Variants in ZMIZ1 observed in about 807,000 individuals in gnomAD.
ZMIZ1 encodes the protein zinc finger MIZ-type containing 1.
ZMIZ1 carries 17 observed loss-of-function variants against 113.9 expected under a neutral mutation model. The ratio of observed to expected loss-of-function variants is 0.15; its 90% confidence interval spans 0.10 to 0.22. The LOEUF is 0.22. Ranked by LOEUF, ZMIZ1 falls within the 10% of genes least tolerant of loss-of-function variation. The pLI, the probability that ZMIZ1 is intolerant of heterozygous loss-of-function variation, is 1.00. For missense variants in ZMIZ1, 1,059 were observed against 1,477.8 expected (o/e 0.72, Z 4.65); for synonymous variants, 607 against 603.1 (o/e 1.01, Z -0.09).
In ZMIZ1 at chr10:79,201,619, G is replaced by A. The variant is rs1183891949; in HGVS notation, c.-14G>A. On this transcript the variant is annotated 5_prime_UTR_variant, in exon 5 of 25. In the 5' UTR this introduces an upstream ATG that the reference lacks. Coordinates refer to ENST00000334512, the MANE Select transcript of ZMIZ1 (RefSeq NM_020338.4). ...GTTCATGGCTCTCGGGTAGAACCTA[G>A]TGAAACGGCCAGAATGAATTCTATG... 9 of 1,613,344 alleles carry A rather than the reference G, an allele frequency of 5.6e-6. No homozygotes were observed. Among genetic ancestry groups the A allele is most frequent in the Non-Finnish European group, 7.6e-6 (9 of 1,179,776 alleles).
chr10:79,109,224 G>T (rs746495880), intron 1 of ZMIZ1, among the ~76,000 whole-genome samples: 1 of 152,194 alleles, frequency 6.6e-6, no homozygotes, highest in Non-Finnish European at 1.5e-5. Context: ...GATGTGCATT[G>T]GTGAGGGGTG....
chr10:79,257,488 C>T (rs974123000), intron 7 of ZMIZ1, among the ~76,000 whole-genome samples: 4 of 152,238 alleles, frequency 2.6e-5, no homozygotes, highest in South Asian at 2.1e-4. Flanking sequence ...AGGGGAACAT[C>T]GGTGTTGCCC....
chr10:79,263,899 C>T (rs938459462), intron 7 of ZMIZ1, among the ~76,000 whole-genome samples: 47 of 152,030 alleles, frequency 3.1e-4, no homozygotes, highest in African/African-American at 1.1e-3. Flanking sequence ...TGGGAGAGGA[C>T]ACAGCTAAAC....
chr10:79,285,148 G>T (rs1852983839), intron 8 of ZMIZ1, among the ~76,000 whole-genome samples: 1 of 152,206 alleles, frequency 6.6e-6, no homozygotes, highest in Non-Finnish European at 1.5e-5. Flanking sequence ...GCCTGATACG[G>T]TCTGGTGACC....
intron 7 of ZMIZ1, among the ~76,000 whole-genome samples, chr10:79,223,925 A>G (rs1487709685): frequency 6.6e-6 from 1 of 152,170 alleles, no homozygotes; most frequent in Non-Finnish European, 1.5e-5. Context: ...TCCCAGGCCA[A>G]GGAATTGGGG....
intron 19 of ZMIZ1, 100 bp from the exon 20 acceptor site, chr10:79,305,064 C>T: frequency 1.5e-6 from 2 of 1,371,138 alleles, no homozygotes; most frequent in Non-Finnish European, 2.1e-6. Context: ...CACAGCCTAT[C>T]TTTCTCTCTG....
At chr10:79,293,152 C>T (rs1026160299) in intron 11 of ZMIZ1, among the ~76,000 whole-genome samples, 1 of 147,802 alleles carries the variant, frequency 6.8e-6, no homozygotes, top group Admixed American at 6.8e-5. Flanking sequence ...ACCCCATCCC[C>T]TAACACCCCT....
chr10:79,248,384 G>A (rs1158195457), intron 7 of ZMIZ1, among the ~76,000 whole-genome samples: 1 of 152,176 alleles, frequency 6.6e-6, no homozygotes, highest in Non-Finnish European at 1.5e-5. Flanking sequence ...GGGGAGGTTA[G>A]CAGGAGCTCG....
In ZMIZ1 at chr10:79,263,944, C is replaced by T. The variant is rs551772977; in HGVS notation, c.281-13237C>T. Among the ~76,000 whole-genome samples the T allele has an allele frequency of 3.1e-3, 478 of 152,270 alleles. 2 individuals carry two copies. The highest frequency in any genetic ancestry group is 0.011 in the African/African-American group (453 of 41,556). On this transcript the variant is annotated intron_variant, in intron 7 of 24. Coordinates refer to ENST00000334512, the MANE Select transcript of ZMIZ1 (RefSeq NM_020338.4). ...CCACCTGGGAAGGGTAAGGAGGGGACCTCCTCAGAAAAGTAAATTATGCAG... is the reference window on the plus strand; with the variant it reads ...CCACCTGGGAAGGGTAAGGAGGGGATCTCCTCAGAAAAGTAAATTATGCAG...
At chr10:79,115,649 G>A (rs1281622590) in intron 1 of ZMIZ1, among the ~76,000 whole-genome samples, 1 of 152,246 alleles carries the variant, frequency 6.6e-6, no homozygotes, top group Non-Finnish European at 1.5e-5. Context: ...GATGACACTG[G>A]GGGGAACTGA....
intron 7 of ZMIZ1, among the ~76,000 whole-genome samples, chr10:79,246,890 C>T (rs1433823378): frequency 1.3e-5 from 2 of 152,232 alleles, no homozygotes; most frequent in East Asian, 1.9e-4. Flanking sequence ...CCCAAGGTCA[C>T]ATGGCAGGAG....
At chr10:79,191,375 G>GC (rs1446282422) in intron 4 of ZMIZ1, among the ~76,000 whole-genome samples, 1 of 151,968 alleles carries the variant, frequency 6.6e-6, no homozygotes, top group East Asian at 1.9e-4. Flanking sequence ...CTGGTGGTCG[G>GC]GGGGGGTCCT....
intron 4 of ZMIZ1, among the ~76,000 whole-genome samples, chr10:79,194,392 C>T (rs1270686531): frequency 6.6e-6 from 1 of 152,244 alleles, no homozygotes; most frequent in Admixed American, 6.5e-5. Flanking sequence ...CTAGTGAGGC[C>T]TCAAAGGTGG....
chr10:79,139,199 A>G (rs899244739), intron 2 of ZMIZ1, among the ~76,000 whole-genome samples: 10 of 152,188 alleles, frequency 6.6e-5, no homozygotes, highest in African/African-American at 2.2e-4. Context: ...TAATGAGGAA[A>G]GAATTCAGGC....
intron 3 of ZMIZ1, among the ~76,000 whole-genome samples, chr10:79,150,754 CT>C (rs1462040275): frequency 6.6e-6 from 1 of 152,206 alleles, no homozygotes; most frequent in African/African-American, 2.4e-5. Flanking sequence ...CCATCCACCC[CT>C]GTCTGCCTGG....
In ZMIZ1 at chr10:79,314,412, T is replaced by C. The variant is rs2132124718; in HGVS notation, c.*1663T>C. 5.4e-6 allele frequency: 2 copies of C among 368,652 alleles called. No homozygotes were observed. The highest frequency in any genetic ancestry group is 1.1e-5 in the Non-Finnish European group (2 of 184,308). 22.8% of individuals were successfully genotyped at this position (368,652 alleles called of 1,614,324 possible). ...CGGAAAGGTGGCCCCAGCTGTTGACTTCCAGTCACTGTCCCAGACGGCACA... is the reference window on the plus strand; with the variant it reads ...CGGAAAGGTGGCCCCAGCTGTTGACCTCCAGTCACTGTCCCAGACGGCACA... On this transcript the variant is annotated 3_prime_UTR_variant, in exon 25 of 25. Coordinates refer to ENST00000334512, the MANE Select transcript of ZMIZ1 (RefSeq NM_020338.4).
At chr10:79,096,857 A>G (rs1386676435) in intron 1 of ZMIZ1, among the ~76,000 whole-genome samples, 1 of 152,230 alleles carries the variant, frequency 6.6e-6, no homozygotes, top group African/African-American at 2.4e-5. Context: ...AAGCACCAAG[A>G]AAGAAACAAA....
At chr10:79,185,139 G>C (rs994294634) in intron 4 of ZMIZ1, among the ~76,000 whole-genome samples, 3 of 152,134 alleles carry the variant, frequency 2.0e-5, no homozygotes, top group African/African-American at 7.2e-5. Context: ...GCCAAGCCTT[G>C]GTCTCCCATC....
chr10:79,113,671 C>A (rs1843851504), intron 1 of ZMIZ1, among the ~76,000 whole-genome samples: 1 of 152,186 alleles, frequency 6.6e-6, no homozygotes, highest in African/African-American at 2.4e-5. Flanking sequence ...AATGCCCTTT[C>A]CAACTCGTTG....
Sources: allele counts gnomAD v4.1 joint callset (sites outside exome capture counted in the v4.1 genomes callset), GRCh38; gene constraint gnomAD v4.1.1; transcripts MANE v1.5; gene names NCBI Gene and HGNC (gene_info 2026-07-23, HGNC 2026-07-21).